Variants in AP1M1 observed in about 807,000 individuals in gnomAD.
AP1M1 encodes AP-1 complex subunit mu-1.
AP1M1 carries 18 observed loss-of-function variants against 57.1 expected under a neutral mutation model. That is an observed-to-expected ratio of 0.32 (90% CI 0.22 to 0.47). The LOEUF (loss-of-function observed/expected upper bound fraction) is 0.47. Among genes scored for constraint, AP1M1 ranks in the 20% least tolerant of loss-of-function variants. The pLI, the probability that AP1M1 is intolerant of heterozygous loss-of-function variation, is 1.00. For synonymous variants in AP1M1, 241 were observed against 237.9 expected (o/e 1.01, Z -0.12); for missense variants, 362 against 593.5 (o/e 0.61, Z 4.05).
At chr19:16,208,872 G>A in intron 4 of AP1M1, 158 bp from the exon 5 acceptor site, 1 of 802,800 alleles carries the variant, frequency 1.2e-6, no homozygotes, top group Non-Finnish European at 1.9e-6. Context: ...GTGAACCAGA[G>A]GCTGCCTTTT....
At chr19:16,217,512 A>T (rs887819242) in intron 5 of AP1M1, among the ~76,000 whole-genome samples, 1 of 152,132 alleles carries the variant, frequency 6.6e-6, no homozygotes, top group African/African-American at 2.4e-5. Context: ...TAGTGTGTCC[A>T]TGGGGCCGCT....
intron 6 of AP1M1, among the ~76,000 whole-genome samples, chr19:16,226,982 G>C (rs968696258): frequency 7.9e-5 from 12 of 152,170 alleles, no homozygotes; most frequent in African/African-American, 2.9e-4. Context: ...GGGCAGAGGG[G>C]CCCAGGGCCT....
rs2091647528 is a variant in AP1M1, at chr19:16,242,029, G to A, written c.*7594G>A. 1 of 152,432 alleles carries A rather than the reference G, an allele frequency of 6.6e-6. No individual in the cohort carries two copies. The highest frequency in any genetic ancestry group is 2.1e-4 in the South Asian group (1 of 4,832). The allele number at this position is 152,432 out of a possible 1,614,324, so 9.4% of individuals were successfully genotyped here. A position where few individuals can be genotyped will look rare whatever the true frequency, so the allele number is the denominator to read the frequency against. ...AAAGAAAAAGAAAAAGAACAATCAG[G>A]AGGCCAGGTTCAGTGGCTCATGCCT... On this transcript the variant is annotated 3_prime_UTR_variant, in exon 12 of 12. Coordinates refer to ENST00000291439, the MANE Select transcript of AP1M1 (RefSeq NM_032493.4).
rs2145106354 is a variant in AP1M1, at chr19:16,197,930, C to G, written c.-97C>G. 6 of 1,034,726 alleles carry G rather than the reference C, an allele frequency of 5.8e-6. No homozygotes were observed. Among genetic ancestry groups the G allele is most frequent in the Non-Finnish European group, 7.9e-6 (6 of 763,574 alleles). The allele number at this position is 1,034,726 out of a possible 1,614,324, so 64.1% of individuals were successfully genotyped here. ...CGAACCGGAAGTGGAGGTGAGCTGT[C>G]GCGGGCGGCGCCCGGCCTTGCTCAA... On this transcript the variant is annotated 5_prime_UTR_variant, in exon 1 of 12. Transcript: ENST00000291439.
chr19:16,233,591 C>T lies in AP1M1; in HGVS notation c.1146C>T (p.Ile382=), dbSNP rs1296730821. Residue 382 remains isoleucine (I), a synonymous_variant, in exon 10 of 12, where the codon ATC becomes ATT. Coordinates refer to ENST00000291439, the MANE Select transcript of AP1M1 (RefSeq NM_032493.4). ...GKPPISVKFE[I]PYFTTSGIQV... ...CCCCGATCAGTGTCAAGTTCGAGAT[C>T]CCTTACTTCACTACCTCCGGCATCC... The T allele has an allele frequency of 6.2e-7, 1 of 1,611,678 alleles. No homozygotes were observed. Among genetic ancestry groups the T allele is most frequent in the East Asian group, 2.2e-5 (1 of 44,828 alleles).
intron 5 of AP1M1, among the ~76,000 whole-genome samples, chr19:16,215,211 GAGAGGGGGGAGGGGGGA>G (rs1568351066): frequency 1.6e-4 from 3 of 18,658 alleles, no homozygotes; most frequent in Non-Finnish European, 3.0e-4. Flanking sequence ...GGGGGGGGGG[GAGAGGGGGGAGGGGGGA>G]GGGGAGGGGA....
intron 5 of AP1M1, among the ~76,000 whole-genome samples, chr19:16,215,463 CAAAAAAAAAAAAAAAA>C (rs59357311): frequency 1.6e-4 from 5 of 31,004 alleles, no homozygotes; most frequent in East Asian, 1.0e-3. Context: ...GATTCCATCT[CAAAAAAAAAAAAAAAA>C]AAAAAAAAAA....
At chr19:16,225,234 T>G (rs1022671414) in intron 5 of AP1M1, among the ~76,000 whole-genome samples, 1 of 152,198 alleles carries the variant, frequency 6.6e-6, no homozygotes, top group Non-Finnish European at 1.5e-5. Flanking sequence ...ACATCATGCA[T>G]AAGACTGCAC....
rs1256667411 is a variant in AP1M1 at position 16,228,066 on chromosome 19, G to C, written c.817-71G>C. On this transcript the variant is annotated intron_variant, in intron 7 of 11. Transcript: ENST00000291439. This position sits in a 1 kb window ranked among gnomAD's most constrained non-coding sequence, Gnocchi z 5.0. ...CAGATGGTCCCTTGCCCTGGGCCTTGGTTTCCCCTCTGAAATGGGCCTTTG... is the reference window on the plus strand; with the variant it reads ...CAGATGGTCCCTTGCCCTGGGCCTTCGTTTCCCCTCTGAAATGGGCCTTTG... 9 of 1,499,304 alleles carry C rather than the reference G, an allele frequency of 6.0e-6. No individual in the cohort carries two copies. Among genetic ancestry groups the C allele is most frequent in the Non-Finnish European group, 7.4e-6 (8 of 1,084,282 alleles). 92.9% of individuals were successfully genotyped at this position (1,499,304 alleles called of 1,614,324 possible). A position where few individuals can be genotyped will look rare whatever the true frequency, so the allele number is the denominator to read the frequency against.
At position 16,203,576 on chromosome 19, in the gene AP1M1, G is replaced by A. The variant is rs900683307; in HGVS notation, c.160G>A (p.Gly54Arg). The A allele has an allele frequency of 6.2e-7, 1 of 1,613,958 alleles. No homozygotes were observed. The highest frequency in any genetic ancestry group is 8.5e-7 in the Non-Finnish European group (1 of 1,179,904). ...GCTGTCGCCCATCCTGGCCCACGGGGGGGTCCGTTTCATGTGGATCAAACA... is the reference window on the plus strand; with the variant it reads ...GCTGTCGCCCATCCTGGCCCACGGGAGGGTCCGTTTCATGTGGATCAAACA... ...GMLSPILAHG[G>R]VRFMWIKHNN... The change falls in exon 2 of 12, where the codon GGG (glycine) becomes AGG (arginine). Residue 54 changes from glycine to arginine, a missense_variant. Gly to Arg is a moderately radical substitution (Grantham distance 125). This residue lies in a region of AP1M1 where 337 missense variants were observed against 511.1 expected (regional missense o/e 0.66). Transcript: ENST00000291439. The surrounding 1 kb of genome is among the most constrained non-coding windows in gnomAD (Gnocchi z 4.6).
intron 1 of AP1M1, among the ~76,000 whole-genome samples, chr19:16,198,924 C>T (rs2091436273): frequency 6.6e-6 from 1 of 152,140 alleles, no homozygotes; most frequent in Admixed American, 6.5e-5. Flanking sequence ...TTTCCTGCCT[C>T]AGCCTCCCAA....
intron 2 of AP1M1, among the ~76,000 whole-genome samples, chr19:16,205,353 G>C (rs954714637): frequency 6.6e-6 from 1 of 152,196 alleles, no homozygotes; most frequent in African/African-American, 2.4e-5. Flanking sequence ...TGCTCAGCAA[G>C]GCCGTGGCTG....
At chr19:16,210,135 G>A (rs532485740) in intron 5 of AP1M1, among the ~76,000 whole-genome samples, 1 of 152,282 alleles carries the variant, frequency 6.6e-6, no homozygotes, top group South Asian at 2.1e-4. Context: ...ATGAGCTCTC[G>A]AGTCTGGCTG....
chr19:16,203,366 C>G lies in AP1M1; in HGVS notation c.43-93C>G, dbSNP rs904695879. On this transcript the variant is annotated intron_variant, in intron 1 of 11. Transcript: ENST00000291439. This position sits in a 1 kb window ranked among gnomAD's most constrained non-coding sequence, Gnocchi z 4.6. ...GTGGCCATGACCGGAGTCCCCAGAGCGAAGCAGGGTGGTGCATCTCACCCC... is the reference window on the plus strand; with the variant it reads ...GTGGCCATGACCGGAGTCCCCAGAGGGAAGCAGGGTGGTGCATCTCACCCC... 2 of 1,362,950 alleles carry G rather than the reference C, an allele frequency of 1.5e-6. No individual in the cohort carries two copies. Among genetic ancestry groups the G allele is most frequent in the Non-Finnish European group, 2.1e-6 (2 of 965,144 alleles). 84.4% of individuals were successfully genotyped at this position (1,362,950 alleles called of 1,614,324 possible). A position where few individuals can be genotyped will look rare whatever the true frequency, so the allele number is the denominator to read the frequency against.
chr19:16,236,776 A>G lies in AP1M1; in HGVS notation c.*2341A>G, dbSNP rs2091626455. 2 of 152,320 alleles carry G rather than the reference A, an allele frequency of 1.3e-5. No individual in the cohort carries two copies. Among genetic ancestry groups the G allele is most frequent in the South Asian group, 4.1e-4 (2 of 4,830 alleles). 9.4% of individuals were successfully genotyped at this position (152,320 alleles called of 1,614,324 possible). On this transcript the variant is annotated 3_prime_UTR_variant, in exon 12 of 12. Coordinates refer to ENST00000291439, the MANE Select transcript of AP1M1 (RefSeq NM_032493.4). Reference sequence around the variant, plus strand: ...TATGACAGAAAACCTCCCTGGAGGGACCTAACTTCATGCCTTGTTACCTAA... The same window carrying G: ...TATGACAGAAAACCTCCCTGGAGGGGCCTAACTTCATGCCTTGTTACCTAA...
rs1312352656 is a variant in AP1M1, at chr19:16,237,136, CA to C, written c.*2704del. 6.6e-6 allele frequency: 1 copy of C among 152,196 alleles called. No individual in the cohort carries two copies. Among genetic ancestry groups the C allele is most frequent in the Non-Finnish European group, 1.5e-5 (1 of 68,030 alleles). The allele number at this position is 152,196 out of a possible 1,614,324, so 9.4% of individuals were successfully genotyped here. A position where few individuals can be genotyped will look rare whatever the true frequency, so the allele number is the denominator to read the frequency against. ...CAGACAGTATGAAGAAGATGAAATACAAATGGCGACCGTTCGGCCAGGCGTG... is the reference window on the plus strand; with the variant it reads ...CAGACAGTATGAAGAAGATGAAATACAATGGCGACCGTTCGGCCAGGCGTG... On this transcript the variant is annotated 3_prime_UTR_variant, in exon 12 of 12. Transcript: ENST00000291439.
chr19:16,224,677 C>G (rs1448113893), intron 5 of AP1M1, among the ~76,000 whole-genome samples: 1 of 152,220 alleles, frequency 6.6e-6, no homozygotes, highest in African/African-American at 2.4e-5. Context: ...GGCCTGCTCT[C>G]GCGGCATTCA....
chr19:16,207,481 G>T lies in AP1M1; in HGVS notation c.268-538G>T, dbSNP rs2091474145. On this transcript the variant is annotated intron_variant, in intron 3 of 11. Transcript: ENST00000291439. The surrounding 1 kb of genome is among the most constrained non-coding windows in gnomAD (Gnocchi z 4.2). ...AGAATGGGGGATGCGGGAAGGGGAA[G>T]GTCCTCACCCAAGGGTTGGGCTGTG... Among the ~76,000 whole-genome samples, 1 of 152,158 alleles carries T rather than the reference G, an allele frequency of 6.6e-6. No individual in the cohort carries two copies. The highest frequency in any genetic ancestry group is 1.5e-5 in the Non-Finnish European group (1 of 68,018).
intron 5 of AP1M1, among the ~76,000 whole-genome samples, chr19:16,220,241 G>C (rs1045053480): frequency 6.6e-6 from 1 of 152,188 alleles, no homozygotes; most frequent in African/African-American, 2.4e-5. Flanking sequence ...GCTTCGATCT[G>C]TTGCCCAGGC....
Sources: allele counts gnomAD v4.1 joint callset (sites outside exome capture counted in the v4.1 genomes callset), GRCh38; gene constraint gnomAD v4.1.1; regional missense constraint gnomAD v4.1.1; non-coding constraint Gnocchi (gnomAD v3.1); transcripts MANE v1.5; gene names NCBI Gene and HGNC (gene_info 2026-07-23, HGNC 2026-07-21).